Variants in OR51M1 observed in about 807,000 individuals in gnomAD.
OR51M1 encodes olfactory receptor 51M1.
For synonymous variants in OR51M1, 199 were observed against 155.1 expected, an observed-to-expected ratio of 1.28 and a Z score of -2.10; for missense variants, 509 against 404.4, an observed-to-expected ratio of 1.26 and a Z score of -2.22.
At chr11:5,386,057 TA>T (rs1461271023) in intron 2 of OR51M1, among the ~76,000 whole-genome samples, 2 of 152,006 alleles carry the variant, frequency 1.3e-5, no homozygotes. Flanking sequence ...AAGATGTACC[TA>T]ATGCTACAGA....
In OR51M1 at chr11:5,389,964, C is replaced by T. The variant is rs866967995; in HGVS notation, c.566C>T (p.Ser189Leu). The change falls in exon 3 of 3, where the codon TCA (serine) becomes TTA (leucine). Residue 189 changes from serine to leucine, a missense_variant. Coordinates refer to ENST00000642046, the MANE Select transcript of OR51M1 (RefSeq NM_001004756.3). ...PYCGSVVLSH[S>L]FCLHQEVIQL... is the part of the protein sequence containing the mutation. ...TGTGGATCTGTGGTCCTCTCCCACTCATTTTGCCTGCACCAGGAAGTGATA... is the reference window on the plus strand; with the variant it reads ...TGTGGATCTGTGGTCCTCTCCCACTTATTTTGCCTGCACCAGGAAGTGATA... 1.2e-6 allele frequency: 2 copies of T among 1,611,936 alleles called. No individual in the cohort carries two copies. The highest frequency in any genetic ancestry group is 1.7e-5 in the Admixed American group (1 of 60,030).
chr11:5,392,727 A>G lies in OR51M1; in HGVS notation c.*2348A>G, dbSNP rs1416594397. Reference sequence around the variant, plus strand: ...GGAGATCGAGACCATCCTGGCTAACACGGTGGAACCCAGTCTCTACTAAAA... The same window carrying G: ...GGAGATCGAGACCATCCTGGCTAACGCGGTGGAACCCAGTCTCTACTAAAA... On this transcript the variant is annotated 3_prime_UTR_variant, in exon 3 of 3. Coordinates refer to ENST00000642046, the MANE Select transcript of OR51M1 (RefSeq NM_001004756.3). 1 of 152,250 alleles carries G rather than the reference A, an allele frequency of 6.6e-6. No individual in the cohort carries two copies. The highest frequency in any genetic ancestry group is 1.5e-5 in the Non-Finnish European group (1 of 68,090). 9.4% of individuals were successfully genotyped at this position (152,250 alleles called of 1,614,324 possible). A position where few individuals can be genotyped will look rare whatever the true frequency, so the allele number is the denominator to read the frequency against.
rs1315334617 is a variant in OR51M1 at position 5,387,112 on chromosome 11, G to C, written c.-16+1654G>C. On this transcript the variant is annotated intron_variant, in intron 2 of 2. Transcript: ENST00000642046. ...GATAATATAATGAATGAGAAGTTAA[G>C]GTGTTCAAGGACAGTAAACTGAATA... is the stretch of plus-strand genomic sequence containing the variant. Among the ~76,000 whole-genome samples the C allele has an allele frequency of 4.6e-5, 7 of 152,050 alleles. No homozygotes were observed. The East Asian group carries it at 1.2e-3, about 25-fold the overall frequency.
chr11:5,390,356 G>C lies in OR51M1; in HGVS notation c.958G>C (p.Gly320Arg). 4 of 1,603,784 alleles carry C rather than the reference G, an allele frequency of 2.5e-6. No homozygotes were observed. The highest frequency in any genetic ancestry group is 3.4e-6 in the Non-Finnish European group (4 of 1,174,382). The change falls in exon 3 of 3, where the codon GGT becomes CGT. Residue 320 changes from glycine to arginine, a missense_variant. By Grantham distance (125) the Gly-to-Arg change is moderately radical. Transcript: ENST00000642046. ...EIHRAIIKFL[G>R]LKKASK Reference sequence around the variant, plus strand: ...CCACCGTGCCATTATCAAGTTCCTAGGTCTTAAAAAGGCCAGTAAATGAGT... The same window carrying C: ...CCACCGTGCCATTATCAAGTTCCTACGTCTTAAAAAGGCCAGTAAATGAGT...
At position 5,391,741 on chromosome 11, in the gene OR51M1, A is replaced by T. The variant is rs1849798498; in HGVS notation, c.*1362A>T. On this transcript the variant is annotated 3_prime_UTR_variant, in exon 3 of 3. Coordinates refer to ENST00000642046, the MANE Select transcript of OR51M1 (RefSeq NM_001004756.3). ...CATTCTCCTACAGGTTAAAATTACC[A>T]TGAGGCCAGGCACGGTGGCTTATGC... 1 of 148,280 alleles carries T rather than the reference A, an allele frequency of 6.7e-6. No individual in the cohort carries two copies. Among genetic ancestry groups the T allele is most frequent in the African/African-American group, 2.5e-5 (1 of 39,930 alleles). The allele number at this position is 148,280 out of a possible 1,614,324, so 9.2% of individuals were successfully genotyped here.
intron 1 of OR51M1, 39 bp from the exon 2 acceptor site, chr11:5,385,314 A>C (rs1392560784): frequency 6.6e-6 from 1 of 152,164 alleles, no homozygotes; most frequent in Non-Finnish European, 1.5e-5. Context: ...TATACTTTCC[A>C]AGAGAAATAA....
chr11:5,389,262 C>T (rs1849751145), intron 2 of OR51M1, 122 bp from the exon 3 acceptor site: 26 of 842,678 alleles, frequency 3.1e-5, no homozygotes, highest in Non-Finnish European at 4.7e-5. Context: ...GTGAGATTGG[C>T]AGAATTCATA....
At position 5,389,367 on chromosome 11, in the gene OR51M1, T is replaced by C. The variant is rs201225548; in HGVS notation, c.-15-17T>C. On this transcript the variant is annotated splice_polypyrimidine_tract_variant and intron_variant, in intron 2 of 2. Coordinates refer to ENST00000642046, the MANE Select transcript of OR51M1 (RefSeq NM_001004756.3). ...AAGCTGAAGAATTAATAACCAGAAA[T>C]ATCCATTTATTTTCAGCTCAATCCC... 69 of 1,595,510 alleles carry C rather than the reference T, an allele frequency of 4.3e-5. No individual in the cohort carries two copies. Among genetic ancestry groups the C allele is most frequent in the Middle Eastern group, 1.7e-4 (1 of 5,998 alleles).
chr11:5,387,731 AAT>A, intron 2 of OR51M1, among the ~76,000 whole-genome samples: 2 of 59,806 alleles, frequency 3.3e-5, no homozygotes, highest in Non-Finnish European at 8.6e-5. Flanking sequence ...TCCTTCCTTG[AAT>A]GTTTTTCCCT....
Position 5,385,466 on chromosome 11 carries a change from CTTTA to C in OR51M1, c.-16+15_-16+18del, listed in dbSNP as rs1849673347. Reference sequence around the variant, plus strand: ...AAAGAATCAGGATAAGAGGTGAGTACTTTATTTATTCACCCATTTAGTTTTTCAT... The same window carrying C: ...AAAGAATCAGGATAAGAGGTGAGTACTTTATTCACCCATTTAGTTTTTCAT... On this transcript the variant is annotated intron_variant, in intron 2 of 2. Transcript: ENST00000642046. The C allele has an allele frequency of 6.6e-6, 1 of 151,508 alleles. No individual in the cohort carries two copies. Among genetic ancestry groups the C allele is most frequent in the South Asian group, 2.1e-4 (1 of 4,760 alleles). 9.4% of individuals were successfully genotyped at this position (151,508 alleles called of 1,614,324 possible). A position where few individuals can be genotyped will look rare whatever the true frequency, so the allele number is the denominator to read the frequency against.
chr11:5,384,604 A>G (rs990992937), intron 1 of OR51M1, among the ~76,000 whole-genome samples: 1 of 152,250 alleles, frequency 6.6e-6, no homozygotes, highest in East Asian at 1.9e-4. Flanking sequence ...TCAGGATGGC[A>G]GAAGCCCTCT....
At chr11:5,384,955 T>G (rs1213704772) in intron 1 of OR51M1, among the ~76,000 whole-genome samples, 2 of 152,196 alleles carry the variant, frequency 1.3e-5, no homozygotes. Flanking sequence ...GTGCAGCGTC[T>G]TTTGCATATT....
rs368834335 is a variant in OR51M1 at position 5,391,558 on chromosome 11, G to A, written c.*1179G>A. The A allele has an allele frequency of 8.5e-5, 13 of 152,282 alleles. No individual in the cohort carries two copies. In the East Asian group the frequency reaches 2.3e-3, roughly 27 times the overall value. The allele number at this position is 152,282 out of a possible 1,614,324, so 9.4% of individuals were successfully genotyped here. ...GCGTGGACATATAGATACATAAAGA[G>A]GGATCCAGAGCTAACAGAAGTTCTC... On this transcript the variant is annotated 3_prime_UTR_variant, in exon 3 of 3. Coordinates refer to ENST00000642046, the MANE Select transcript of OR51M1 (RefSeq NM_001004756.3).
Position 5,390,303 on chromosome 11 carries a change from TCATATACAG to T in OR51M1, c.909_917del (p.Tyr304_Ile306del). Reference sequence around the variant, plus strand: ...TTTGTGCCTCCCATGCTTAACCCAATCATATACAGCATTAAGACCAAGGAGATCCACCGT... The same window carrying T: ...TTTGTGCCTCCCATGCTTAACCCAATCATTAAGACCAAGGAGATCCACCGT... On this transcript the variant is annotated inframe_deletion, in exon 3 of 3. Coordinates refer to ENST00000642046, the MANE Select transcript of OR51M1 (RefSeq NM_001004756.3). 2 of 1,613,852 alleles carry T rather than the reference TCATATACAG, an allele frequency of 1.2e-6. No individual in the cohort carries two copies. The highest frequency in any genetic ancestry group is 1.7e-6 in the Non-Finnish European group (2 of 1,179,816).
intron 2 of OR51M1, among the ~76,000 whole-genome samples, chr11:5,388,873 G>A (rs2736533): frequency 0.42 from 63,564 of 151,498 alleles, 13,619 homozygotes; most frequent in Middle Eastern, 0.45. Context: ...CCTAGGACTT[G>A]GTGATTGGTT....
intron 1 of OR51M1, among the ~76,000 whole-genome samples, chr11:5,385,088 C>T (rs1244287390): frequency 6.6e-6 from 1 of 152,200 alleles, no homozygotes; most frequent in Non-Finnish European, 1.5e-5. Flanking sequence ...TCATTGTATA[C>T]TGAAAATCTC....
chr11:5,391,132 C>T lies in OR51M1; in HGVS notation c.*753C>T, dbSNP rs1464933506. 1 of 152,206 alleles carries T rather than the reference C, an allele frequency of 6.6e-6. No individual in the cohort carries two copies. The highest frequency in any genetic ancestry group is 1.5e-5 in the Non-Finnish European group (1 of 68,050). The allele number at this position is 152,206 out of a possible 1,614,324, so 9.4% of individuals were successfully genotyped here. Reference sequence around the variant, plus strand: ...GACATGTAACGTGAGAAAGCTTCAGCCAAGGAAACTCACACAAACATATTG... The same window carrying T: ...GACATGTAACGTGAGAAAGCTTCAGTCAAGGAAACTCACACAAACATATTG... On this transcript the variant is annotated 3_prime_UTR_variant, in exon 3 of 3. Coordinates refer to ENST00000642046, the MANE Select transcript of OR51M1 (RefSeq NM_001004756.3).
rs1244650467 is a variant in OR51M1, at chr11:5,390,018, A to G, written c.620A>G (p.Asn207Ser). Reference protein sequence around the residue: ...IQLACTDITFNNLYGLMVVVF... With the variant: ...IQLACTDITFSNLYGLMVVVF... ...CTGGCCTGCACAGATATCACCTTCA[A>G]TAATCTGTATGGACTGATGGTGGTA... The change falls in exon 3 of 3, where the codon AAT becomes AGT. Residue 207 changes from asparagine (N) to serine (S), a missense_variant. Transcript: ENST00000642046. 3 of 1,613,494 alleles carry G rather than the reference A, an allele frequency of 1.9e-6. No individual in the cohort carries two copies. The highest frequency in any genetic ancestry group is 2.5e-6 in the Non-Finnish European group (3 of 1,179,880).
At chr11:5,387,623 C>A (rs771606947) in intron 2 of OR51M1, among the ~76,000 whole-genome samples, 3 of 152,160 alleles carry the variant, frequency 2.0e-5, no homozygotes, top group Non-Finnish European at 4.4e-5. Context: ...TGCCACCATT[C>A]CCCACCTTGC....
Sources: gnomAD v4.1 joint callset for allele counts (sites outside exome capture counted in the v4.1 genomes callset) on GRCh38, gnomAD v4.1.1 for gene constraint, MANE v1.5 for transcripts, NCBI Gene and HGNC (gene_info 2026-07-23, HGNC 2026-07-21) for gene names.